IKZF2: variants seen among roughly 807,000 people sequenced by gnomAD.
IKZF2 encodes zinc finger protein Helios.
Under a neutral mutation model 49.2 loss-of-function variants are expected in IKZF2, and 15 were observed. That is an observed-to-expected ratio of 0.30 (90% CI 0.20 to 0.47). The LOEUF (loss-of-function observed/expected upper bound fraction) is 0.47. Ranked by LOEUF, IKZF2 falls within the 20% of genes least tolerant of loss-of-function variation. The pLI, the probability that IKZF2 is intolerant of heterozygous loss-of-function variation, is 1.00. For missense variants in IKZF2, 567 were observed against 664.6 expected (o/e 0.85, Z 1.61); for synonymous variants, 227 against 221.4 (o/e 1.03, Z -0.23).
At chr2:213,074,621 T>G (rs1288135898) in intron 4 of IKZF2, among the ~76,000 whole-genome samples, 1 of 152,186 alleles carries the variant, frequency 6.6e-6, no homozygotes, top group Non-Finnish European at 1.5e-5. Flanking sequence ...ATCCAATCAA[T>G]GGATTTTGCT....
rs193123062 is a variant in IKZF2, at chr2:213,090,456, A to G, written c.140-33357T>C. The stretch of plus-strand genomic sequence containing the variant: ...CATGGTCTTTTCTGTCACTAACTCC[A>G]GGCTCACTTACTTTGGCATTCACAT... On this transcript the variant is annotated intron_variant, in intron 4 of 8. Transcript: ENST00000434687. Among the ~76,000 whole-genome samples the G allele has an allele frequency of 7.3e-4, 111 of 152,306 alleles. 1 individual carries two copies. The East Asian group carries it at 0.019, about 25-fold the overall frequency.
chr2:213,037,225 A>C (rs1259673585), intron 6 of IKZF2, among the ~76,000 whole-genome samples: 1 of 152,244 alleles, frequency 6.6e-6, no homozygotes, highest in Admixed American at 6.5e-5. Flanking sequence ...ATTTCTTTAG[A>C]ACTCCTGATA....
chr2:213,123,714 A>T (rs1030358218), intron 4 of IKZF2, among the ~76,000 whole-genome samples: 2 of 152,226 alleles, frequency 1.3e-5, no homozygotes, highest in African/African-American at 4.8e-5. Flanking sequence ...TATTTACCAT[A>T]CTTAACATGC....
chr2:213,041,342 G>GT (rs201119260), intron 6 of IKZF2, among the ~76,000 whole-genome samples: 201 of 150,902 alleles, frequency 1.3e-3, no homozygotes, highest in African/African-American at 4.6e-3. Context: ...CTTTTTTTGG[G>GT]GGGGGTGGGA....
chr2:213,007,415 T>C lies in IKZF2; in HGVS notation c.1526A>G (p.Gln509Arg). Residue 509 changes from glutamine to arginine, a missense_variant, in exon 9 of 9, where the codon CAG (glutamine) becomes CGG (arginine). Physicochemically the swap from Gln to Arg is conservative, Grantham distance 43 (BLOSUM62 1). Transcript: ENST00000434687. Reference protein sequence around the residue: ...LECNICGYRSQDRYEFSSHIV... With the variant: ...LECNICGYRSRDRYEFSSHIV... ...GTGTGATGAAAACTCATAACGGTCC[T>C]GGCTTCTGTAGCCACAGATGTTGCA... 6.2e-7 allele frequency: 1 copy of C among 1,613,584 alleles called. No individual in the cohort carries two copies. The highest frequency in any genetic ancestry group is 8.5e-7 in the Non-Finnish European group (1 of 1,179,660).
intron 4 of IKZF2, among the ~76,000 whole-genome samples, chr2:213,108,347 A>G (rs2125751590): frequency 6.6e-6 from 1 of 152,296 alleles, no homozygotes; most frequent in African/African-American, 2.4e-5. Context: ...CATTAGCTTT[A>G]TGTACTACTT....
intron 4 of IKZF2, among the ~76,000 whole-genome samples, chr2:213,126,926 A>C (rs180754770): frequency 2.0e-5 from 3 of 152,296 alleles, no homozygotes; most frequent in Admixed American, 2.0e-4. Context: ...AAAAACCATC[A>C]ATCTTTGGGT....
chr2:213,013,255 G>A (rs1171848762), intron 8 of IKZF2, among the ~76,000 whole-genome samples: 8 of 151,856 alleles, frequency 5.3e-5, no homozygotes, highest in East Asian at 1.9e-4. Context: ...GATAAAATAC[G>A]AAAATAATTA....
chr2:213,038,361 T>A (rs1056273584), intron 6 of IKZF2, among the ~76,000 whole-genome samples: 2 of 152,088 alleles, frequency 1.3e-5, no homozygotes, highest in African/African-American at 4.8e-5. Flanking sequence ...GTCCAGCTGG[T>A]CTGGTTTTAA....
chr2:213,094,676 T>C lies in IKZF2; in HGVS notation c.140-37577A>G, dbSNP rs563201562. ...CTCAATGGACTTGAGGAAAAGTCTCTTTCTCAAACCTGTACAAAAGCATTT... is the reference window on the plus strand; with the variant it reads ...CTCAATGGACTTGAGGAAAAGTCTCCTTCTCAAACCTGTACAAAAGCATTT... On this transcript the variant is annotated intron_variant, in intron 4 of 8. Transcript: ENST00000434687. 2.0e-5 allele frequency among the ~76,000 whole-genome samples: 3 copies of C among 152,154 alleles called. No homozygotes were observed. In the South Asian group the frequency reaches 6.2e-4, roughly 32 times the overall value.
At chr2:213,050,904 T>G (rs990811982) in intron 5 of IKZF2, among the ~76,000 whole-genome samples, 2 of 152,008 alleles carry the variant, frequency 1.3e-5, no homozygotes, top group Admixed American at 6.6e-5. Context: ...AATTCAAATA[T>G]AAGTAAACAG....
At chr2:213,137,864 CG>C (rs2060730813) in intron 4 of IKZF2, among the ~76,000 whole-genome samples, 1 of 152,006 alleles carries the variant, frequency 6.6e-6, no homozygotes, top group Non-Finnish European at 1.5e-5. Flanking sequence ...AACACAGCAA[CG>C]TAGTACCCTA....
At chr2:213,061,740 C>CA (rs1255074111) in intron 4 of IKZF2, among the ~76,000 whole-genome samples, 8 of 150,184 alleles carry the variant, frequency 5.3e-5, no homozygotes, top group Non-Finnish European at 7.4e-5. Context: ...AAAGCTAAAG[C>CA]AAAAAAAATA....
intron 5 of IKZF2, among the ~76,000 whole-genome samples, chr2:213,054,886 T>C (rs544022553): frequency 1.3e-5 from 2 of 152,168 alleles, no homozygotes; most frequent in Non-Finnish European, 2.9e-5. Flanking sequence ...TCTACCACAC[T>C]AGTAAATAAC....
Position 213,004,568 on chromosome 2 carries a change from C to CT in IKZF2, c.*2791_*2792insA, listed in dbSNP as rs970998368. 6.6e-5 allele frequency: 10 copies of CT among 151,948 alleles called. No homozygotes were observed. Among genetic ancestry groups the CT allele is most frequent in the African/African-American group, 2.4e-4 (10 of 41,422 alleles). The allele number at this position is 151,948 out of a possible 1,614,324, so 9.4% of individuals were successfully genotyped here. ...ATCTCACCTAAACAAACTGGGCATA[C>CT]AACTGTTATGTAAAACTTGATTTAT... On this transcript the variant is annotated 3_prime_UTR_variant, in exon 9 of 9. Coordinates refer to ENST00000434687, the MANE Select transcript of IKZF2 (RefSeq NM_001387220.1).
In IKZF2 at chr2:213,000,252, TTATATA is replaced by T. The variant is rs3044171; in HGVS notation, c.*7102_*7107del. 7.0e-6 allele frequency: 1 copy of T among 142,970 alleles called. No individual in the cohort carries two copies. Among genetic ancestry groups the T allele is most frequent in the Non-Finnish European group, 1.5e-5 (1 of 65,286 alleles). The allele number at this position is 142,970 out of a possible 1,614,324, so 8.9% of individuals were successfully genotyped here. A position where few individuals can be genotyped will look rare whatever the true frequency, so the allele number is the denominator to read the frequency against. On this transcript the variant is annotated 3_prime_UTR_variant, in exon 9 of 9. Coordinates refer to ENST00000434687, the MANE Select transcript of IKZF2 (RefSeq NM_001387220.1). The stretch of plus-strand genomic sequence containing the variant: ...TGGAATTTTAACTTTACATATATAT[TTATATA>T]TATATATATATATTTCTTTTTTAAA...
chr2:213,094,439 G>A (rs1051153254), intron 4 of IKZF2, among the ~76,000 whole-genome samples: 23 of 152,002 alleles, frequency 1.5e-4, no homozygotes, highest in African/African-American at 5.6e-4. Flanking sequence ...ATAGCTTCAG[G>A]GGCCCATGTA....
intron 4 of IKZF2, among the ~76,000 whole-genome samples, chr2:213,098,581 C>G (rs1023450068): frequency 6.6e-6 from 1 of 152,138 alleles, no homozygotes; most frequent in Non-Finnish European, 1.5e-5. Context: ...TCTAACATAA[C>G]TACTTTGCAA....
At chr2:213,012,507 T>C (rs978672304) in intron 8 of IKZF2, among the ~76,000 whole-genome samples, 1 of 151,876 alleles carries the variant, frequency 6.6e-6, no homozygotes, top group Non-Finnish European at 1.5e-5. Flanking sequence ...TCTTTATTTC[T>C]TTTTTTTCAT....
Sources: gnomAD v4.1 joint callset for allele counts (sites outside exome capture counted in the v4.1 genomes callset) on GRCh38, gnomAD v4.1.1 for gene constraint, MANE v1.5 for transcripts, NCBI Gene and HGNC (gene_info 2026-07-23, HGNC 2026-07-21) for gene names.